SYNPR: variants seen among roughly 807,000 people sequenced by gnomAD.
SYNPR encodes the protein synaptoporin.
Under a neutral mutation model 32.9 loss-of-function variants are expected in SYNPR, and 23 were observed. The observed-to-expected ratio is 0.70, with a 90% CI of 0.50 to 0.99. The LOEUF (loss-of-function observed/expected upper bound fraction) is 0.99. Ranked by LOEUF, SYNPR falls within the 50% of genes least tolerant of loss-of-function variation. The pLI is 0.00. For missense variants in SYNPR, 318 were observed against 349.3 expected (o/e 0.91, Z 0.71); for synonymous variants, 146 against 135.9 (o/e 1.07, Z -0.52).
chr3:63,566,653 T>C (rs1702793333), intron 4 of SYNPR, among the ~76,000 whole-genome samples: 1 of 152,146 alleles, frequency 6.6e-6, no homozygotes, highest in Non-Finnish European at 1.5e-5. Flanking sequence ...TCAGACTGCC[T>C]GGGCCCAAAT....
At chr3:63,487,781 A>T (rs1444476942) in intron 3 of SYNPR, among the ~76,000 whole-genome samples, 2 of 152,252 alleles carry the variant, frequency 1.3e-5, no homozygotes, top group African/African-American at 4.8e-5. Flanking sequence ...GAGAACTCTT[A>T]GTGGCACTAG....
chr3:63,253,040 G>GAAAA (rs200342050), intron 2 of SYNPR, among the ~76,000 whole-genome samples: 1 of 124,036 alleles, frequency 8.1e-6, no homozygotes, highest in Non-Finnish European at 1.7e-5. Context: ...CTCTGTCTCA[G>GAAAA]AAAAAAAAAA....
upstream of SYNPR, among the ~76,000 whole-genome samples, chr3:63,224,129 T>C (rs896434577): frequency 1.3e-5 from 2 of 152,176 alleles, no homozygotes; most frequent in Admixed American, 6.5e-5. Context: ...TACTGATCCA[T>C]GGCCTGTTAG....
intron 3 of SYNPR, among the ~76,000 whole-genome samples, chr3:63,505,550 A>G (rs1476893019): frequency 6.6e-6 from 1 of 152,104 alleles, no homozygotes; most frequent in Non-Finnish European, 1.5e-5. Flanking sequence ...AGTAGAACTA[A>G]TTATTTGAAT....
At chr3:63,231,126 G>A (rs1050027604) in intron 1 of SYNPR, among the ~76,000 whole-genome samples, 1 of 152,126 alleles carries the variant, frequency 6.6e-6, no homozygotes, top group South Asian at 2.1e-4. Flanking sequence ...AGTGGATAAA[G>A]GAAATGTGGT....
intron 2 of SYNPR, among the ~76,000 whole-genome samples, chr3:63,322,891 C>G (rs2087126136): frequency 6.6e-6 from 1 of 152,050 alleles, no homozygotes; most frequent in South Asian, 2.1e-4. Flanking sequence ...GCAGCAGCCT[C>G]TAAGGGCTCT....
intron 2 of SYNPR, among the ~76,000 whole-genome samples, chr3:63,368,378 A>G (rs2087752904): frequency 6.6e-6 from 1 of 152,164 alleles, no homozygotes; most frequent in Admixed American, 6.5e-5. Flanking sequence ...GTTTGAATGA[A>G]AGAGGAATGT....
the SYNPR span, among the ~76,000 whole-genome samples, chr3:63,204,685 T>C: frequency 7.3e-6 from 1 of 136,852 alleles, no homozygotes; most frequent in Non-Finnish European, 1.6e-5. Context: ...CCTCGAGTGA[T>C]TTTTTTTTTC....
chr3:63,443,095 C>T (rs1157265850), intron 2 of SYNPR: 3 of 1,082,468 alleles, frequency 2.8e-6, no homozygotes, highest in African/African-American at 3.3e-5. Context: ...CCTGCACTTC[C>T]AGTTGTGAGC....
intron 4 of SYNPR, among the ~76,000 whole-genome samples, chr3:63,595,965 T>TTATATATAGTTTTATA (rs773303041): frequency 9.5e-6 from 1 of 105,038 alleles, no homozygotes; most frequent in East Asian, 2.5e-4. Flanking sequence ...ATATATAGTT[T>TTATATATAGTTTTATA]TATATATAGT....
In SYNPR at chr3:63,480,971, T is replaced by C. The variant is rs778704484; in HGVS notation, c.209+15T>C. 2 of 1,606,780 alleles carry C rather than the reference T, an allele frequency of 1.2e-6. No individual in the cohort carries two copies. On this transcript the variant is annotated intron_variant, in intron 3 of 5. Coordinates refer to ENST00000478300, the MANE Select transcript of SYNPR (RefSeq NM_001130003.2). Reference sequence around the variant, plus strand: ...TACCCATTCAGGTAGGGAATGGTGGTTCATGCTTGTTAGCCTCACAGGGGG... The same window carrying C: ...TACCCATTCAGGTAGGGAATGGTGGCTCATGCTTGTTAGCCTCACAGGGGG...
chr3:63,425,779 AC>A (rs1351993524), intron 2 of SYNPR, among the ~76,000 whole-genome samples: 1 of 143,302 alleles, frequency 7.0e-6, no homozygotes, highest in Non-Finnish European at 1.5e-5. Flanking sequence ...ATGGAAATAG[AC>A]TTTTTTTTTT....
the SYNPR span, among the ~76,000 whole-genome samples, chr3:63,207,842 A>G: frequency 6.6e-6 from 1 of 152,176 alleles, no homozygotes. Flanking sequence ...TTGCACTTTA[A>G]TGAACCTAAA....
At chr3:63,395,050 G>T (rs1996919) in intron 2 of SYNPR, among the ~76,000 whole-genome samples, 2 of 151,858 alleles carry the variant, frequency 1.3e-5, no homozygotes, top group African/African-American at 4.8e-5. Flanking sequence ...GATATTAATA[G>T]GTTTAAAAGC....
chr3:63,246,991 C>G (rs142684527), intron 1 of SYNPR, among the ~76,000 whole-genome samples: 2 of 152,120 alleles, frequency 1.3e-5, no homozygotes, highest in Non-Finnish European at 2.9e-5. Context: ...ATGGGATGAT[C>G]TGTGCAGCAA....
chr3:63,458,182 T>G (rs1700519666), intron 2 of SYNPR, among the ~76,000 whole-genome samples: 1 of 152,112 alleles, frequency 6.6e-6, no homozygotes, highest in Non-Finnish European at 1.5e-5. Flanking sequence ...TTTATGTAGT[T>G]TACTTTCATG....
At chr3:63,545,832 T>G (rs578201023) in intron 3 of SYNPR, among the ~76,000 whole-genome samples, 1 of 152,280 alleles carries the variant, frequency 6.6e-6, no homozygotes, top group East Asian at 1.9e-4. Flanking sequence ...AAAATCAATT[T>G]GACCTAAATT....
chr3:63,488,010 G>C (rs1456764135), intron 3 of SYNPR, among the ~76,000 whole-genome samples: 3 of 152,102 alleles, frequency 2.0e-5, no homozygotes, highest in Admixed American at 1.3e-4. Flanking sequence ...CACGGGGGCA[G>C]GTGCAAGTAG....
chr3:63,575,261 T>G (rs1702956496), intron 4 of SYNPR, among the ~76,000 whole-genome samples: 1 of 152,134 alleles, frequency 6.6e-6, no homozygotes, highest in African/African-American at 2.4e-5. Context: ...TGTTCTTTAT[T>G]CCAGGCCCTC....
Sources: gnomAD v4.1 joint callset for allele counts (sites outside exome capture counted in the v4.1 genomes callset) on GRCh38, gnomAD v4.1.1 for gene constraint, MANE v1.5 for transcripts, NCBI Gene and HGNC (gene_info 2026-07-23, HGNC 2026-07-21) for gene names.